The following PDE3A variants were observed in gnomAD, a reference collection of about 807,000 sequenced individuals.
The protein encoded by PDE3A is cGMP-inhibited 3',5'-cyclic phosphodiesterase 3A.
PDE3A carries 43 observed loss-of-function variants against 98.3 expected under a neutral mutation model. The observed-to-expected ratio is 0.44, with a 90% CI of 0.34 to 0.56. The LOEUF is 0.56. Among genes scored for constraint, PDE3A ranks in the 20% least tolerant of loss-of-function variants. The pLI is 0.01. For missense variants in PDE3A, 1,427 were observed against 1,440.7 expected (o/e 0.99, Z 0.15); for synonymous variants, 663 against 567.9 (o/e 1.17, Z -2.38).
rs767575377 is a variant in PDE3A at position 20,648,766 on chromosome 12, G to C, written c.2644G>C (p.Glu882Gln). The change falls in exon 13 of 16, where the codon GAG becomes CAG. Residue 882 changes from glutamate to glutamine, a missense_variant. Physicochemically the swap from Glu to Gln is conservative, Grantham distance 29 (BLOSUM62 2). Coordinates refer to ENST00000359062, the MANE Select transcript of PDE3A (RefSeq NM_000921.5). The part of the protein sequence containing the change: ...AAWNLFMSRP[E>Q]YNFLINLDHV... ...ATGGAATCTTTTCATGTCCCGGCCA[G>C]AGTATAACTTCTTAATTAACCTTGA... is the stretch of plus-strand genomic sequence containing the variant. 32 of 1,612,940 alleles carry C rather than the reference G, an allele frequency of 2.0e-5. 1 individual carries two copies. In the South Asian group the frequency reaches 3.4e-4, roughly 17 times the overall value.
chr12:20,592,308 G>C (rs1943357286), intron 2 of PDE3A, among the ~76,000 whole-genome samples: 3 of 152,172 alleles, frequency 2.0e-5, no homozygotes, highest in Non-Finnish European at 4.4e-5. Flanking sequence ...TGAGGGAACA[G>C]AGAGATTGAC....
chr12:20,385,994 A>T (rs1288676793), intron 1 of PDE3A, among the ~76,000 whole-genome samples: 5 of 91,526 alleles, frequency 5.5e-5, no homozygotes, highest in African/African-American at 2.6e-4. Context: ...AATATATATA[A>T]AATATATATA....
At chr12:20,652,145 C>T (rs1259714116) in intron 14 of PDE3A, among the ~76,000 whole-genome samples, 2 of 152,158 alleles carry the variant, frequency 1.3e-5, no homozygotes. Flanking sequence ...ATATGTGCCA[C>T]ATTTTCTTAA....
At chr12:20,667,020 T>C (rs1945332292) in intron 15 of PDE3A, among the ~76,000 whole-genome samples, 1 of 152,208 alleles carries the variant, frequency 6.6e-6, no homozygotes, top group Non-Finnish European at 1.5e-5. Context: ...ATATTCCTGG[T>C]GATTAGTGAT....
At chr12:20,673,402 T>G (rs1220058613) in intron 15 of PDE3A, among the ~76,000 whole-genome samples, 1 of 145,170 alleles carries the variant, frequency 6.9e-6, no homozygotes, top group Non-Finnish European at 1.5e-5. Context: ...CATGCACACG[T>G]ATGTTTATTG....
At chr12:20,542,398 T>A (rs1941938218) in intron 1 of PDE3A, among the ~76,000 whole-genome samples, 1 of 151,614 alleles carries the variant, frequency 6.6e-6, no homozygotes, top group Non-Finnish European at 1.5e-5. Context: ...TAGAGAATAT[T>A]CCTTTGAGTT....
At chr12:20,653,176 A>G (rs1944961044) in intron 14 of PDE3A, among the ~76,000 whole-genome samples, 1 of 152,172 alleles carries the variant, frequency 6.6e-6, no homozygotes, top group African/African-American at 2.4e-5. Context: ...GTACAGTAAT[A>G]TTATTAAACA....
chr12:20,610,886 A>G (rs1412116225), intron 2 of PDE3A, among the ~76,000 whole-genome samples: 3 of 151,962 alleles, frequency 2.0e-5, no homozygotes, highest in Non-Finnish European at 4.4e-5. Context: ...CCCTGGGCAG[A>G]GTCAGGGGAA....
intron 1 of PDE3A, among the ~76,000 whole-genome samples, chr12:20,538,792 G>C (rs1186374276): frequency 6.6e-6 from 1 of 152,052 alleles, no homozygotes; most frequent in Non-Finnish European, 1.5e-5. Flanking sequence ...CTATAGGTGT[G>C]TGTCATCAGG....
intron 2 of PDE3A, among the ~76,000 whole-genome samples, chr12:20,608,529 A>G (rs1224394830): frequency 2.0e-5 from 3 of 152,190 alleles, no homozygotes; most frequent in African/African-American, 7.2e-5. Context: ...TAGCATCAAA[A>G]TACATAATGT....
intron 2 of PDE3A, among the ~76,000 whole-genome samples, chr12:20,599,498 G>A (rs1395135054): frequency 6.6e-6 from 1 of 152,076 alleles, no homozygotes; most frequent in Non-Finnish European, 1.5e-5. Flanking sequence ...AAGGGACTCA[G>A]TGCCCAATTC....
chr12:20,375,006 A>G (rs1943545040), intron 1 of PDE3A, among the ~76,000 whole-genome samples: 1 of 151,918 alleles, frequency 6.6e-6, no homozygotes, highest in Non-Finnish European at 1.5e-5. Flanking sequence ...GCATAACCCT[A>G]CAGGTTTATG....
At chr12:20,404,964 TCTG>T (rs1268208886) in intron 1 of PDE3A, among the ~76,000 whole-genome samples, 2 of 151,878 alleles carry the variant, frequency 1.3e-5, no homozygotes, top group Non-Finnish European at 2.9e-5. Context: ...GACAGAGTTT[TCTG>T]CTACCTTTAT....
chr12:20,628,792 G>A (rs909141503), intron 5 of PDE3A, among the ~76,000 whole-genome samples: 8 of 152,018 alleles, frequency 5.3e-5, no homozygotes, highest in African/African-American at 1.4e-4. Flanking sequence ...AATTACACAC[G>A]AACACACAAA....
rs555902548 is a variant in PDE3A, at chr12:20,463,380, A to G, written c.960+93136A>G. The stretch of plus-strand genomic sequence containing the variant: ...TAATTATCTTTTCCTTTGCTACCTC[A>G]CTGTGTTTTTTGCAATATTAAGTAT... On this transcript the variant is annotated intron_variant, in intron 1 of 15. Coordinates refer to ENST00000359062, the MANE Select transcript of PDE3A (RefSeq NM_000921.5). 5.9e-5 allele frequency among the ~76,000 whole-genome samples: 9 copies of G among 152,050 alleles called. No homozygotes were observed. The East Asian group carries it at 1.7e-3, about 29-fold the overall frequency.
Position 20,613,679 on chromosome 12 carries a change from A to G in PDE3A, c.1248A>G (p.Lys416=). ...CTGACTCTGAAGAGAGCTCTGAAAA[A>G]GACAAGCTTGCTATTCCAAAGGTAG... ...TCSDSEESSE[K]DKLAIPKRLR... is the part of the protein sequence containing the mutation. The change falls in exon 3 of 16, where the codon AAA becomes AAG. Residue 416 remains lysine, a synonymous_variant. Coordinates refer to ENST00000359062, the MANE Select transcript of PDE3A (RefSeq NM_000921.5). The G allele has an allele frequency of 7.4e-6, 12 of 1,613,934 alleles. No individual in the cohort carries two copies. The highest frequency in any genetic ancestry group is 1.0e-5 in the Non-Finnish European group (12 of 1,179,782).
chr12:20,509,952 T>C (rs2121112080), intron 1 of PDE3A, among the ~76,000 whole-genome samples: 1 of 152,178 alleles, frequency 6.6e-6, no homozygotes, highest in South Asian at 2.1e-4. Context: ...TTTGTATTTT[T>C]TCTCATGAAT....
intron 1 of PDE3A, among the ~76,000 whole-genome samples, chr12:20,541,846 G>A (rs1196395917): frequency 6.6e-6 from 1 of 152,084 alleles, no homozygotes; most frequent in Non-Finnish European, 1.5e-5. Context: ...GGGCAGAGAT[G>A]TACTGTAAAC....
chr12:20,606,511 C>CT (rs951546587), intron 2 of PDE3A, among the ~76,000 whole-genome samples: 16 of 152,028 alleles, frequency 1.1e-4, no homozygotes, highest in Non-Finnish European at 2.2e-4. Flanking sequence ...GAAGATTTCC[C>CT]TTTTATCATA....
Sources: gnomAD v4.1 joint callset for allele counts (sites outside exome capture counted in the v4.1 genomes callset) on GRCh38, gnomAD v4.1.1 for gene constraint, MANE v1.5 for transcripts, NCBI Gene and HGNC (gene_info 2026-07-23, HGNC 2026-07-21) for gene names.